Variants in RNF150 observed in about 807,000 individuals in gnomAD.
RNF150 encodes ring finger protein 150.
In RNF150, 24 loss-of-function variants were observed where a neutral mutation model predicts 39.3. That is an observed-to-expected ratio of 0.61 (90% CI 0.44 to 0.86). The LOEUF (loss-of-function observed/expected upper bound fraction) is 0.86, where lower values mean the gene tolerates loss of function less well. RNF150 is among the 40% of genes least tolerant of loss of function. The pLI is 0.00. For missense variants in RNF150, 502 were observed against 587.8 expected (o/e 0.85, Z 1.51); for synonymous variants, 255 against 227.3 (o/e 1.12, Z -1.10).
At chr4:141,014,568 A>G (rs1172824363) in intron 1 of RNF150, among the ~76,000 whole-genome samples, 1 of 152,160 alleles carries the variant, frequency 6.6e-6, no homozygotes, top group Non-Finnish European at 1.5e-5. Context: ...TGCAGTTTTA[A>G]TTTGCATTTT....
chr4:141,172,790 C>T lies in RNF150; in HGVS notation c.-6+40004G>A, dbSNP rs769566219. On this transcript the variant is annotated intron_variant, in intron 1 of 7. Coordinates refer to the RNF150 transcript ENST00000420921. ...CTGTAATCCCAGCACTTTGGAAGGC[C>T]GAGGTGGGCAGATCACCTGAGGTCA... Among the ~76,000 whole-genome samples the T allele has an allele frequency of 1.7e-3, 266 of 152,150 alleles. 3 individuals carry two copies. The highest frequency in any genetic ancestry group is 2.0e-3 in the Non-Finnish European group (137 of 67,994).
chr4:141,025,194 G>A (rs923495553), intron 1 of RNF150, among the ~76,000 whole-genome samples: 7 of 152,148 alleles, frequency 4.6e-5, no homozygotes, highest in South Asian at 2.1e-4. Context: ...TACTAAAGTC[G>A]TAAAAGGAAA....
chr4:141,197,782 G>A (rs1358896533), intron 1 of RNF150, among the ~76,000 whole-genome samples: 1 of 151,750 alleles, frequency 6.6e-6, no homozygotes, highest in African/African-American at 2.4e-5. Flanking sequence ...GGAGGCTGAG[G>A]CAGGAGAATG....
chr4:141,000,004 AG>A (rs74194387), intron 1 of RNF150, among the ~76,000 whole-genome samples: 514 of 33,888 alleles, frequency 0.015, 59 homozygotes, highest in Middle Eastern at 0.047. Context: ...AAGAAGAAGA[AG>A]AAGAAGAAGA....
chr4:141,165,145 ATCCTAGTCT>A (rs1210244391), intron 1 of RNF150, among the ~76,000 whole-genome samples: 1 of 152,200 alleles, frequency 6.6e-6, no homozygotes, highest in Non-Finnish European at 1.5e-5. Flanking sequence ...AGGGGTTGCA[ATCCTAGTCT>A]CCAATAAAAC....
At chr4:140,994,612 C>T (rs1263518094) in intron 1 of RNF150, among the ~76,000 whole-genome samples, 1 of 152,014 alleles carries the variant, frequency 6.6e-6, no homozygotes, top group East Asian at 1.9e-4. Context: ...TGCATCAAGA[C>T]CAAAAGTAAG....
intron 1 of RNF150, among the ~76,000 whole-genome samples, chr4:141,011,892 T>C (rs2110750202): frequency 6.6e-6 from 1 of 152,332 alleles, no homozygotes; most frequent in East Asian, 1.9e-4. Context: ...CACAAAAATC[T>C]CCTTAGAGTG....
intron 1 of RNF150, among the ~76,000 whole-genome samples, chr4:141,104,490 G>A (rs1739132030): frequency 6.6e-6 from 1 of 152,122 alleles, no homozygotes; most frequent in Non-Finnish European, 1.5e-5. Context: ...TTAAAATACT[G>A]CAAGGTACCA....
At chr4:141,156,913 A>G (rs1342682350) in intron 1 of RNF150, among the ~76,000 whole-genome samples, 1 of 152,080 alleles carries the variant, frequency 6.6e-6, no homozygotes, top group East Asian at 1.9e-4. Flanking sequence ...TCAAAAAAAA[A>G]TTGATCATAT....
intron 1 of RNF150, among the ~76,000 whole-genome samples, chr4:140,996,658 T>C (rs1047335732): frequency 2.0e-5 from 3 of 152,224 alleles, no homozygotes; most frequent in African/African-American, 7.2e-5. Context: ...TCTGTTACCA[T>C]TAGAGAAGCA....
intron 6 of RNF150, among the ~76,000 whole-genome samples, chr4:140,897,075 C>G (rs1353723343): frequency 3.3e-5 from 5 of 152,160 alleles, no homozygotes; most frequent in African/African-American, 1.2e-4. Flanking sequence ...TATCAACACA[C>G]AGCACAGGTC....
intron 1 of RNF150, among the ~76,000 whole-genome samples, chr4:141,197,719 C>T (rs563577401): frequency 1.3e-5 from 2 of 151,636 alleles, no homozygotes; most frequent in Non-Finnish European, 2.9e-5. Flanking sequence ...TCTACTAAAA[C>T]TACAAAAAAT....
rs977746606 is a variant in RNF150, at chr4:140,974,988, TC to T, written c.485-7116del. Among the ~76,000 whole-genome samples, 99 of 151,872 alleles carry T rather than the reference TC, an allele frequency of 6.5e-4. 1 individual carries two copies. The highest frequency in any genetic ancestry group is 6.2e-3 in the Admixed American group (95 of 15,234). Reference sequence around the variant, plus strand: ...GCAGCATTTGAGACTGGGCATGGGGTCTCACACCTGTAATCTCAGCACTTTG... The same window carrying T: ...GCAGCATTTGAGACTGGGCATGGGGTTCACACCTGTAATCTCAGCACTTTG... On this transcript the variant is annotated intron_variant, in intron 1 of 6. Coordinates refer to ENST00000515673, the MANE Select transcript of RNF150 (RefSeq NM_020724.2).
intron 4 of RNF150, among the ~76,000 whole-genome samples, chr4:140,930,359 T>C (rs1381339164): frequency 6.6e-6 from 1 of 152,192 alleles, no homozygotes; most frequent in Non-Finnish European, 1.5e-5. Context: ...TCCATTTCTA[T>C]ATATCTCCTG....
At chr4:141,039,229 A>G (rs1736265208) in intron 1 of RNF150, among the ~76,000 whole-genome samples, 1 of 152,188 alleles carries the variant, frequency 6.6e-6, no homozygotes, top group South Asian at 2.1e-4. Flanking sequence ...CTAAGTAGAG[A>G]ACGCAACATT....
intron 1 of RNF150, among the ~76,000 whole-genome samples, chr4:141,099,273 A>T (rs1374535352): frequency 6.6e-6 from 1 of 152,162 alleles, no homozygotes; most frequent in Non-Finnish European, 1.5e-5. Flanking sequence ...AGAGCAACAC[A>T]TCTAGAGCTT....
intron 1 of RNF150, among the ~76,000 whole-genome samples, chr4:141,095,995 A>G (rs1738758600): frequency 6.6e-6 from 1 of 152,116 alleles, no homozygotes; most frequent in African/African-American, 2.4e-5. Flanking sequence ...AGTTCTGTGC[A>G]TGTATACATA....
chr4:141,006,707 G>C (rs2321691), intron 1 of RNF150, among the ~76,000 whole-genome samples: 145,466 of 152,298 alleles, frequency 0.96, 69,810 homozygotes, highest in East Asian at 1. Context: ...TCATACCTAA[G>C]AGTCTACTTA....
intron 1 of RNF150, among the ~76,000 whole-genome samples, chr4:141,170,507 T>C (rs1727696969): frequency 6.6e-6 from 1 of 152,226 alleles, no homozygotes; most frequent in African/African-American, 2.4e-5. Flanking sequence ...ATTATTGTGA[T>C]ATAGTTCGTA....
Sources: gnomAD v4.1 joint callset for allele counts (sites outside exome capture counted in the v4.1 genomes callset) on GRCh38, gnomAD v4.1.1 for gene constraint, MANE v1.5 for transcripts, NCBI Gene and HGNC (gene_info 2026-07-23, HGNC 2026-07-21) for gene names.